Variants in MED13L observed in about 807,000 individuals in gnomAD.
MED13L encodes mediator of RNA polymerase II transcription subunit 13-like.
MED13L carries 7 observed loss-of-function variants against 220.9 expected under a neutral mutation model. That is an observed-to-expected ratio of 0.03 (90% CI 0.02 to 0.06). The LOEUF (loss-of-function observed/expected upper bound fraction) is 0.06, where lower values mean the gene tolerates loss of function less well. Among genes scored for constraint, MED13L ranks in the 10% least tolerant of loss-of-function variants. The pLI is 1.00. For missense variants in MED13L, 1,965 were observed against 2,760.5 expected, an observed-to-expected ratio of 0.71 and a Z score of 6.46; for synonymous variants, 1,011 against 1,015.2, an observed-to-expected ratio of 1.00 and a Z score of 0.08.
chr12:116,069,195 C>T (rs1346896551), intron 4 of MED13L, among the ~76,000 whole-genome samples: 2 of 152,144 alleles, frequency 1.3e-5, no homozygotes, highest in Non-Finnish European at 2.9e-5. Flanking sequence ...ATACGTGGAA[C>T]CAAGACTTGT....
At chr12:116,137,568 T>A (rs571022638) in intron 2 of MED13L, among the ~76,000 whole-genome samples, 1 of 151,942 alleles carries the variant, frequency 6.6e-6, no homozygotes, top group African/African-American at 2.4e-5. Flanking sequence ...AATTATGAGG[T>A]ACTCATAATT....
In MED13L at chr12:116,222,712, CTTGT is replaced by C. The variant is rs1868558807; in HGVS notation, c.310+14752_310+14755del. 3.9e-5 allele frequency among the ~76,000 whole-genome samples: 6 copies of C among 152,276 alleles called. No individual in the cohort carries two copies. The South Asian group carries it at 1.2e-3, about 32-fold the overall frequency. On this transcript the variant is annotated intron_variant, in intron 2 of 30. Coordinates refer to ENST00000281928, the MANE Select transcript of MED13L (RefSeq NM_015335.5). ...GCAAGCATCGTTGGAGAAGATGTAC[CTTGT>C]TTAACATGTATGTACCTTAATAATC...
chr12:116,049,340 A>C (rs1566030389), intron 4 of MED13L, among the ~76,000 whole-genome samples: 1 of 152,234 alleles, frequency 6.6e-6, no homozygotes, highest in East Asian at 1.9e-4. Context: ...AAAATGACTT[A>C]AATAAAAACA....
intron 2 of MED13L, among the ~76,000 whole-genome samples, chr12:116,138,214 T>G (rs1219059034): frequency 6.6e-6 from 1 of 152,228 alleles, no homozygotes; most frequent in African/African-American, 2.4e-5. Context: ...TCTAGAAGGA[T>G]CTAAATACTC....
intron 27 of MED13L, 27 bp from the exon 28 acceptor site, chr12:115,969,124 CA>C: frequency 6.2e-7 from 1 of 1,609,202 alleles, no homozygotes; most frequent in South Asian, 1.1e-5. Context: ...AAAAAAAGCA[CA>C]AAAATTAAAA....
At position 116,019,333 on chromosome 12, in the gene MED13L, A is replaced by G. The variant is rs1276595333; in HGVS notation, c.900T>C (p.Ser300=). 1 of 1,614,094 alleles carries G rather than the reference A, an allele frequency of 6.2e-7. No homozygotes were observed. The highest frequency in any genetic ancestry group is 8.5e-7 in the Non-Finnish European group (1 of 1,179,954). ...NDIPVPQSVA[S]AGGHIAVGQQ... ...GCCCAACTGCAATGTGGCCTCCAGC[A>G]CTGGCAACACTCTGAGGAACCGGGA... The change falls in exon 7 of 31, where the codon AGT becomes AGC. Residue 300 remains serine, a synonymous_variant. Coordinates refer to ENST00000281928, the MANE Select transcript of MED13L (RefSeq NM_015335.5).
intron 1 of MED13L, among the ~76,000 whole-genome samples, chr12:116,239,617 T>C (rs1026733758): frequency 1.3e-5 from 2 of 152,246 alleles, no homozygotes; most frequent in African/African-American, 4.8e-5. Flanking sequence ...TTTCCACTAC[T>C]GTAATTACTA....
intron 4 of MED13L, among the ~76,000 whole-genome samples, chr12:116,069,754 C>A (rs1385286740): frequency 6.6e-6 from 1 of 152,158 alleles, no homozygotes; most frequent in East Asian, 1.9e-4. Flanking sequence ...CTTGACCTCA[C>A]GTAATGGGTC....
At chr12:116,261,221 C>T (rs1265954720) in intron 1 of MED13L, among the ~76,000 whole-genome samples, 2 of 152,134 alleles carry the variant, frequency 1.3e-5, no homozygotes, top group African/African-American at 2.4e-5. Flanking sequence ...GTAGGCTGGG[C>T]ATGGTGGCTC....
chr12:116,219,290 C>A (rs1178331377), intron 2 of MED13L, among the ~76,000 whole-genome samples: 1 of 152,058 alleles, frequency 6.6e-6, no homozygotes, highest in Non-Finnish European at 1.5e-5. Context: ...AAATTATATT[C>A]ATGTTATTAG....
At chr12:116,124,950 T>C (rs1240671065) in intron 2 of MED13L, among the ~76,000 whole-genome samples, 8 of 152,182 alleles carry the variant, frequency 5.3e-5, no homozygotes, top group Admixed American at 3.9e-4. Context: ...TAAACCAAAA[T>C]ATTGGAAAAT....
At chr12:116,248,402 G>A (rs928340323) in intron 1 of MED13L, among the ~76,000 whole-genome samples, 1 of 152,032 alleles carries the variant, frequency 6.6e-6, no homozygotes, top group Non-Finnish European at 1.5e-5. Context: ...ATAGATATGG[G>A]GGGTTAAGGA....
intron 19 of MED13L, among the ~76,000 whole-genome samples, chr12:115,985,288 GC>G (rs1877608706): frequency 6.6e-6 from 1 of 152,158 alleles, no homozygotes; most frequent in Non-Finnish European, 1.5e-5. Flanking sequence ...TATTATATAT[GC>G]CCTGACCAGA....
At chr12:116,237,115 A>C (rs183042715) in intron 2 of MED13L, among the ~76,000 whole-genome samples, 24 of 152,346 alleles carry the variant, frequency 1.6e-4, no homozygotes, top group Admixed American at 8.5e-4. Flanking sequence ...TCCAAGGAAA[A>C]AAACAGTAAC....
intron 2 of MED13L, among the ~76,000 whole-genome samples, chr12:116,162,269 C>G (rs1878914941): frequency 6.6e-6 from 1 of 152,158 alleles, no homozygotes. Flanking sequence ...TGTTATGTTT[C>G]CTCATTCCCA....
chr12:115,970,537 T>C, intron 27 of MED13L, 57 bp downstream of exon 27: 1 of 1,568,880 alleles, frequency 6.4e-7, no homozygotes. Context: ...AGTGATTCCA[T>C]ACTCCGGCTC....
At chr12:116,045,285 AT>A (rs1019225054) in intron 4 of MED13L, among the ~76,000 whole-genome samples, 2 of 152,096 alleles carry the variant, frequency 1.3e-5, no homozygotes, top group Admixed American at 1.3e-4. Context: ...GGTCATCCCA[AT>A]CCTGGGCCTA....
intron 1 of MED13L, chr12:116,276,315 TG>T: frequency 3.2e-6 from 1 of 310,846 alleles, no homozygotes; most frequent in Non-Finnish European, 5.6e-6. Context: ...CTTTTGTGTG[TG>T]TGTGTGTGTG....
chr12:116,275,538 T>TG, intron 1 of MED13L, among the ~76,000 whole-genome samples: 1 of 152,204 alleles, frequency 6.6e-6, no homozygotes, highest in Admixed American at 6.5e-5. Context: ...TTTGAAAAGT[T>TG]GGCGAGAATT....
Sources: allele counts gnomAD v4.1 joint callset (sites outside exome capture counted in the v4.1 genomes callset), GRCh38; gene constraint gnomAD v4.1.1; transcripts MANE v1.5; gene names NCBI Gene and HGNC (gene_info 2026-07-23, HGNC 2026-07-21).